Variants in PPARA observed in about 807,000 individuals in gnomAD.
The protein encoded by PPARA is peroxisome proliferator activated receptor alpha.
A neutral mutation model predicts 42.2 loss-of-function variants in PPARA; 22 were observed. That is an observed-to-expected ratio of 0.52 (90% confidence interval 0.37 to 0.74). PPARA has a LOEUF of 0.74. Ranked by LOEUF, PPARA falls within the 30% of genes least tolerant of loss-of-function variation. The pLI is 0.00. For synonymous variants in PPARA, 242 were observed against 239.3 expected (o/e 1.01, Z -0.10); for missense variants, 465 against 608.2 (o/e 0.76, Z 2.48).
intron 4 of PPARA, among the ~76,000 whole-genome samples, chr22:46,207,620 ATCT>A (rs1176663460): frequency 1.6e-5 from 2 of 128,760 alleles, no homozygotes; most frequent in South Asian, 2.5e-4. Flanking sequence ...TGTTCCTACT[ATCT>A]TCTTGTTTTT....
At chr22:46,207,644 TTTATTATTATTATTATTATTA>T (rs34052175) in intron 4 of PPARA, among the ~76,000 whole-genome samples, 3 of 91,758 alleles carry the variant, frequency 3.3e-5, no homozygotes, top group African/African-American at 1.2e-4. Context: ...AATTAATTAA[TTTATTATTATTATTATTATTA>T]TTATTATTAT....
At chr22:46,181,420 C>G (rs1232901200) in intron 3 of PPARA, among the ~76,000 whole-genome samples, 10 of 152,058 alleles carry the variant, frequency 6.6e-5, no homozygotes, top group Non-Finnish European at 1.5e-4. Context: ...CTAAGCAGCA[C>G]CTGAAACTTC....
intron 7 of PPARA, 80 bp downstream of exon 7, chr22:46,220,094 G>C: frequency 6.8e-7 from 1 of 1,462,566 alleles, no homozygotes. Flanking sequence ...CACATGTGTT[G>C]AATGTTGAGA....
At chr22:46,176,049 G>A (rs1311133583) in intron 2 of PPARA, 2 of 152,240 alleles carry the variant, frequency 1.3e-5, no homozygotes, top group African/African-American at 4.8e-5. Context: ...TGAGGTAGGA[G>A]GACTGCTTGA....
In PPARA at chr22:46,216,438, T is replaced by G. The variant is rs1601778366; in HGVS notation, c.369+1105T>G. ...AAGCCACATTAAGAACATCACTTCA[T>G]TCGAATACAAGACAGAGAGCTGTTA... On this transcript the variant is annotated intron_variant, in intron 5 of 8. Coordinates refer to ENST00000407236, the MANE Select transcript of PPARA (RefSeq NM_005036.6). The surrounding 1 kb of genome is among the most constrained non-coding windows in gnomAD (Gnocchi z 4.5). Among the ~76,000 whole-genome samples the G allele has an allele frequency of 6.6e-6, 1 of 151,800 alleles. No homozygotes were observed. The highest frequency in any genetic ancestry group is 2.4e-5 in the African/African-American group (1 of 41,320).
intron 6 of PPARA, among the ~76,000 whole-genome samples, chr22:46,218,900 C>T (rs1934757187): frequency 1.3e-5 from 2 of 149,612 alleles, no homozygotes; most frequent in Non-Finnish European, 3.0e-5. Context: ...CGGTGGTTCA[C>T]ACCTGTAATC....
chr22:46,226,882 G>GA (rs1033989052), intron 7 of PPARA, among the ~76,000 whole-genome samples: 1 of 151,048 alleles, frequency 6.6e-6, no homozygotes. Context: ...ACAGAAAAAA[G>GA]AAAAAAAAAG....
intron 4 of PPARA, among the ~76,000 whole-genome samples, chr22:46,208,903 TGTGTGTGTGTGTGC>T (rs1044252001): frequency 8.7e-5 from 13 of 148,680 alleles, no homozygotes; most frequent in East Asian, 3.9e-4. Context: ...AGTATTCGTG[TGTGTGTGTGTGTGC>T]GTGTGTGTGT....
intron 2 of PPARA, among the ~76,000 whole-genome samples, chr22:46,158,434 G>T (rs376453201): frequency 6.6e-6 from 1 of 152,136 alleles, no homozygotes; most frequent in Non-Finnish European, 1.5e-5. Context: ...AACTGAATAC[G>T]TCTGAAGTTA....
chr22:46,180,405 T>C lies in PPARA; in HGVS notation c.-43+3569T>C, dbSNP rs1929781360. On this transcript the variant is annotated intron_variant, in intron 3 of 8. Transcript: ENST00000407236. This position sits in a 1 kb window ranked among gnomAD's most constrained non-coding sequence, Gnocchi z 4.2. ...AGGCTTTAAGTAACCACTCCCCCAC[T>C]GAAGTTAGAGTTAAGAAAGAATATT... 6.6e-6 allele frequency among the ~76,000 whole-genome samples: 1 copy of C among 152,168 alleles called. No homozygotes were observed. Among genetic ancestry groups the C allele is most frequent in the African/African-American group, 2.4e-5 (1 of 41,430 alleles).
chr22:46,161,897 T>A lies in PPARA; in HGVS notation c.-127+9927T>A, dbSNP rs1926235829. 6.6e-6 allele frequency among the ~76,000 whole-genome samples: 1 copy of A among 152,054 alleles called. No homozygotes were observed. The highest frequency in any genetic ancestry group is 2.4e-5 in the African/African-American group (1 of 41,402). ...AGGCCCCCTGTACGTCACCATCACC[T>A]TTGTGAGCTTGAAACCTGTCACCCA... On this transcript the variant is annotated intron_variant, in intron 2 of 8. Transcript: ENST00000407236. The surrounding 1 kb of genome is among the most constrained non-coding windows in gnomAD (Gnocchi z 4.8).
chr22:46,241,757 A>C lies in PPARA; in HGVS notation c.*6377A>C, dbSNP rs1323604926. On this transcript the variant is annotated 3_prime_UTR_variant, in exon 9 of 9. Coordinates refer to ENST00000407236, the MANE Select transcript of PPARA (RefSeq NM_005036.6). This position sits in a 1 kb window ranked among gnomAD's most constrained non-coding sequence, Gnocchi z 5.7. ...GGAGAGGAGCTATGGTATGTGGTTC[A>C]GCTGAAACACATACAACTGCATCCT... 6.6e-6 allele frequency: 1 copy of C among 152,194 alleles called. No homozygotes were observed. The highest frequency in any genetic ancestry group is 2.4e-5 in the African/African-American group (1 of 41,444). The allele number at this position is 152,194 out of a possible 1,614,324, so 9.4% of individuals were successfully genotyped here.
At position 46,219,479 on chromosome 22, in the gene PPARA, G is replaced by C. The variant is rs4253755; in HGVS notation, c.509-333G>C. 6.6e-6 allele frequency among the ~76,000 whole-genome samples: 1 copy of C among 152,090 alleles called. No homozygotes were observed. Among genetic ancestry groups the C allele is most frequent in the African/African-American group, 2.4e-5 (1 of 41,414 alleles). ...AGCAGTTATTATATAAACTCATCCC[G>C]AAGCCCCGTTCACCTCCTTCACTCA... On this transcript the variant is annotated intron_variant, in intron 6 of 8. Transcript: ENST00000407236. The surrounding 1 kb of genome is among the most constrained non-coding windows in gnomAD (Gnocchi z 4.8).
rs1029487212 is a variant in PPARA, at chr22:46,242,883, C to A, written c.*7503C>A. ...TCTCTAGTCACTTCCACCAGCGAGGCCTTAGACTCCGTATTAGAGGCCACC... is the reference window on the plus strand; with the variant it reads ...TCTCTAGTCACTTCCACCAGCGAGGACTTAGACTCCGTATTAGAGGCCACC... On this transcript the variant is annotated 3_prime_UTR_variant, in exon 9 of 9. Transcript: ENST00000407236. This position sits in a 1 kb window ranked among gnomAD's most constrained non-coding sequence, Gnocchi z 6.1. 6.6e-6 allele frequency: 1 copy of A among 152,632 alleles called. No homozygotes were observed. The highest frequency in any genetic ancestry group is 2.4e-5 in the African/African-American group (1 of 41,450). The allele number at this position is 152,632 out of a possible 1,614,324, so 9.5% of individuals were successfully genotyped here.
At position 46,237,196 on chromosome 22, in the gene PPARA, T is replaced by G. The variant is rs1392388588; in HGVS notation, c.*1816T>G. The G allele has an allele frequency of 6.6e-6, 1 of 152,198 alleles. No homozygotes were observed. Among genetic ancestry groups the G allele is most frequent in the Non-Finnish European group, 1.5e-5 (1 of 68,038 alleles). The allele number at this position is 152,198 out of a possible 1,614,324, so 9.4% of individuals were successfully genotyped here. A position where few individuals can be genotyped will look rare whatever the true frequency, so the allele number is the denominator to read the frequency against. ...GATAAGGGTCCCATGACCAGCATTA[T>G]GAAAATGCGAGAGTGGGAAGGACAC... is the stretch of plus-strand genomic sequence containing the variant. On this transcript the variant is annotated 3_prime_UTR_variant, in exon 9 of 9. Coordinates refer to ENST00000407236, the MANE Select transcript of PPARA (RefSeq NM_005036.6). This position sits in a 1 kb window ranked among gnomAD's most constrained non-coding sequence, Gnocchi z 6.7.
chr22:46,157,996 A>G (rs1277535005), intron 2 of PPARA, among the ~76,000 whole-genome samples: 1 of 152,242 alleles, frequency 6.6e-6, no homozygotes, highest in Non-Finnish European at 1.5e-5. Context: ...GAAGGCAAAT[A>G]CAGAAGGACT....
At chr22:46,186,846 C>G (rs1930888207) in intron 3 of PPARA, among the ~76,000 whole-genome samples, 1 of 152,032 alleles carries the variant, frequency 6.6e-6, no homozygotes, top group Non-Finnish European at 1.5e-5. Flanking sequence ...AGTATCAAGC[C>G]CTATATATGC....
rs1218597747 is a variant in PPARA, at chr22:46,195,491, TTGA to T, written c.-42-2846_-42-2844del. Among the ~76,000 whole-genome samples, 20 of 152,190 alleles carry T rather than the reference TTGA, an allele frequency of 1.3e-4. No individual in the cohort carries two copies. The highest frequency in any genetic ancestry group is 2.9e-5 in the Non-Finnish European group (2 of 68,040). On this transcript the variant is annotated intron_variant, in intron 3 of 8. Transcript: ENST00000407236. The surrounding 1 kb of genome is among the most constrained non-coding windows in gnomAD (Gnocchi z 4.6). The stretch of plus-strand genomic sequence containing the variant: ...TCTCTTATTTTTCCCTGTGTGCTAT[TTGA>T]TGATTTCCCTGTGAACTTTGATGAT...
At chr22:46,213,403 C>CTTTT (rs61615727) in intron 4 of PPARA, among the ~76,000 whole-genome samples, 3 of 134,848 alleles carry the variant, frequency 2.2e-5, no homozygotes, top group African/African-American at 2.8e-5. Context: ...CATTTTCTTT[C>CTTTT]TTTTTTTTTT....
Sources: gnomAD v4.1 joint callset for allele counts (sites outside exome capture counted in the v4.1 genomes callset) on GRCh38, gnomAD v4.1.1 for gene constraint, Gnocchi (gnomAD v3.1) non-coding constraint, MANE v1.5 for transcripts, NCBI Gene and HGNC (gene_info 2026-07-23, HGNC 2026-07-21) for gene names.